ATP7A: variants seen among roughly 807,000 people sequenced by gnomAD.
ATP7A encodes the protein copper-transporting ATPase 1.
ATP7A carries 7 observed loss-of-function variants against 83.5 expected under a neutral mutation model. The observed-to-expected ratio is 0.08, with a 90% confidence interval of 0.05 to 0.16. The LOEUF (loss-of-function observed/expected upper bound fraction) is 0.16. Ranked by LOEUF, ATP7A falls within the 10% of genes least tolerant of loss-of-function variation. The probability of loss-of-function intolerance (pLI) is 1.00; values close to 1 mark genes in which losing one functional copy is unlikely to be tolerated. For synonymous variants in ATP7A, 354 were observed against 395.2 expected (o/e 0.90, Z 1.24); for missense variants, 940 against 1,120.8 (o/e 0.84, Z 2.30).
intron 7 of ATP7A, among the ~76,000 whole-genome samples, chrX:78,010,917 C>T (rs1397355299): frequency 3.6e-5 from 4 of 110,784 alleles, no homozygotes; most frequent in Non-Finnish European, 7.5e-5. Context: ...AGAACCTCTA[C>T]TGAGGACAGT....
chrX:78,041,893 A>G (rs1047494434), intron 19 of ATP7A, among the ~76,000 whole-genome samples: 6 of 109,804 alleles, frequency 5.5e-5, no homozygotes, highest in Admixed American at 1.9e-4. Context: ...TGAAGTGGGC[A>G]GATCACATGA....
At chrX:77,981,057 G>A (rs1557230862) in intron 2 of ATP7A, among the ~76,000 whole-genome samples, 1 of 111,923 alleles carries the variant, frequency 8.9e-6, no homozygotes, top group Non-Finnish European at 1.9e-5. Context: ...ACATCATTCT[G>A]CACCTTGCTT....
chrX:78,031,614 G>C (rs1557237099), intron 16 of ATP7A, 32 bp downstream of exon 16: 2 of 1,167,821 alleles, frequency 1.7e-6, no homozygotes, highest in Admixed American at 4.4e-5. Flanking sequence ...TATTAGTGTA[G>C]TCATCTCCTG....
rs868964216 is a variant in ATP7A at position 78,011,889 on chromosome X, G to A, written c.2172+215G>A. 2.5e-5 allele frequency: 11 copies of A among 436,310 alleles called. No individual in the cohort carries two copies. In the South Asian group the frequency reaches 3.4e-4, roughly 14 times the overall value. The allele number at this position is 436,310 out of a possible 1,213,427, so 36.0% of individuals were successfully genotyped here. ...GAAAGAGTTCAAGTTTTTTGGGTTTGGTATTTATATCTGCTACTGTATATA... is the reference window on the plus strand; with the variant it reads ...GAAAGAGTTCAAGTTTTTTGGGTTTAGTATTTATATCTGCTACTGTATATA... On this transcript the variant is annotated intron_variant, in intron 9 of 22. Transcript: ENST00000341514.
intron 6 of ATP7A, among the ~76,000 whole-genome samples, chrX:78,003,786 A>G (rs2077755311): frequency 9.0e-6 from 1 of 110,592 alleles, no homozygotes; most frequent in African/African-American, 3.3e-5. Flanking sequence ...TATGAAAAAT[A>G]CAAAAATTAG....
Position 77,925,918 on chromosome X carries a change from C to CT in ATP7A, c.-22+15096dup, listed in dbSNP as rs35626877. ...TATGCATTTGCAGAAAGTAATAAGG[C>CT]TTTTTTTTTTTTTAACGCCATAAAG... On this transcript the variant is annotated intron_variant, in intron 1 of 22. Coordinates refer to ENST00000341514, the MANE Select transcript of ATP7A (RefSeq NM_000052.7). Among the ~76,000 whole-genome samples, 909 of 99,644 alleles carry CT rather than the reference C, an allele frequency of 9.1e-3. 5 individuals carry two copies. The highest frequency in any genetic ancestry group is 0.02 in the African/African-American group (536 of 27,405). 86.5% of individuals were successfully genotyped at this position (99,644 alleles called of 115,157 possible).
intron 4 of ATP7A, among the ~76,000 whole-genome samples, chrX:77,993,797 T>C (rs1157778019): frequency 9.0e-6 from 1 of 111,618 alleles, no homozygotes; most frequent in Non-Finnish European, 1.9e-5. Context: ...GTAAGTACAC[T>C]CTATGATGTT....
At chrX:78,008,185 C>A (rs184865693) in intron 6 of ATP7A, among the ~76,000 whole-genome samples, 3 of 112,055 alleles carry the variant, frequency 2.7e-5, no homozygotes, top group Admixed American at 9.5e-5. Context: ...AGAGGTCTTA[C>A]TGCACCATTT....
intron 5 of ATP7A, among the ~76,000 whole-genome samples, chrX:77,999,836 G>A (rs782239463): frequency 6.5e-5 from 7 of 107,965 alleles, no homozygotes; most frequent in Admixed American, 4.0e-4. Flanking sequence ...CCTGAGAGGC[G>A]GAGGTTGCAG....
At chrX:77,931,220 C>T (rs193019991) in intron 1 of ATP7A, among the ~76,000 whole-genome samples, 4 of 107,947 alleles carry the variant, frequency 3.7e-5, no homozygotes, top group Admixed American at 2.0e-4. Flanking sequence ...TGATTGTTAA[C>T]GAGCATGCTG....
chrX:77,971,997 A>G (rs924141683), intron 2 of ATP7A, among the ~76,000 whole-genome samples: 2 of 111,715 alleles, frequency 1.8e-5, no homozygotes, highest in Non-Finnish European at 3.8e-5. Context: ...TTGTGGTTGT[A>G]TATTTATAGA....
rs1557234944 is a variant in ATP7A at position 78,014,717 on chromosome X, C to G, written c.2462C>G (p.Thr821Ser). The G allele has an allele frequency of 8.3e-7, 1 of 1,206,257 alleles. No homozygotes were observed. Among genetic ancestry groups the G allele is most frequent in the Non-Finnish European group, 1.1e-6 (1 of 891,206 alleles). The part of the protein sequence containing the change: ...KLISLQATEA[T>S]IVTLDSDNIL... ...ATTTCACTACAAGCTACAGAAGCAA[C>G]TATTGTAACTCTTGATTCTGATAAT... Residue 821 changes from threonine (T) to serine (S), a missense_variant, in exon 11 of 23, where the codon ACT (threonine) becomes AGT (serine). Around this residue, in one of 3 missense-constraint regions of ATP7A, gnomAD observed 204 missense variants for 185.8 expected, o/e 1.10. Transcript: ENST00000341514.
intron 14 of ATP7A, among the ~76,000 whole-genome samples, chrX:78,022,412 C>T (rs1557235883): frequency 9.0e-6 from 1 of 111,560 alleles, no homozygotes; most frequent in Non-Finnish European, 1.9e-5. Flanking sequence ...CAGAGCGAGA[C>T]TCCTACTCAA....
chrX:78,046,268 A>G, intron 22 of ATP7A, 26 bp from the exon 23 acceptor site: 1 of 1,208,285 alleles, frequency 8.3e-7, no homozygotes, highest in Admixed American at 2.2e-5. Flanking sequence ...GTTATTTGAA[A>G]CTAGCATACT....
chrX:78,020,634 TC>T (rs1306703525), intron 13 of ATP7A, among the ~76,000 whole-genome samples: 2 of 110,954 alleles, frequency 1.8e-5, no homozygotes, highest in African/African-American at 6.6e-5. Context: ...TGCCTCAGCC[TC>T]CCGAGTAGCT....
intron 4 of ATP7A, among the ~76,000 whole-genome samples, chrX:77,992,963 T>G: frequency 8.9e-6 from 1 of 112,495 alleles, no homozygotes; most frequent in Non-Finnish European, 1.9e-5. Context: ...GAAATTATAT[T>G]GATTCACATT....
intron 7 of ATP7A, 52 bp downstream of exon 7, chrX:78,009,315 C>T (rs1417111840): frequency 7.0e-6 from 8 of 1,146,077 alleles, no homozygotes; most frequent in Non-Finnish European, 9.5e-6. Context: ...AATCAGCACT[C>T]CCGTGAATCA....
At chrX:78,038,460 A>G (rs927804690) in intron 17 of ATP7A, among the ~76,000 whole-genome samples, 1 of 111,700 alleles carries the variant, frequency 9.0e-6, no homozygotes, top group Non-Finnish European at 1.9e-5. Flanking sequence ...ATGATTGTAC[A>G]TGTTCATCTA....
intron 1 of ATP7A, among the ~76,000 whole-genome samples, chrX:77,934,513 G>A (rs782578565): frequency 8.1e-5 from 9 of 111,758 alleles, no homozygotes; most frequent in African/African-American, 2.9e-4. Flanking sequence ...CAGATATGAT[G>A]TCTTGTTCTG....
Sources: allele counts gnomAD v4.1 joint callset (sites outside exome capture counted in the v4.1 genomes callset), GRCh38; gene constraint gnomAD v4.1.1; regional missense constraint gnomAD v4.1.1; transcripts MANE v1.5; gene names NCBI Gene and HGNC (gene_info 2026-07-23, HGNC 2026-07-21).